Variants in GALNT13 observed in about 807,000 individuals in gnomAD.
GALNT13 encodes the protein polypeptide N-acetylgalactosaminyltransferase 13, also known as UDP-GalNAc:polypeptide N-acetylgalactosaminyltransferase 13.
Under a neutral mutation model 64.2 loss-of-function variants are expected in GALNT13, and 28 were observed. That is an observed-to-expected ratio of 0.44 (90% CI 0.32 to 0.60). The LOEUF (loss-of-function observed/expected upper bound fraction) is 0.60. Ranked by LOEUF, GALNT13 falls within the 20% of genes least tolerant of loss-of-function variation. The probability of loss-of-function intolerance (pLI) is 0.05; values close to 1 mark genes in which losing one functional copy is unlikely to be tolerated. For missense variants in GALNT13, 577 were observed against 669.8 expected, an observed-to-expected ratio of 0.86 and a Z score of 1.53; for synonymous variants, 214 against 224.6, an observed-to-expected ratio of 0.95 and a Z score of 0.42.
At chr2:153,708,339 T>C in the GALNT13 span, among the ~76,000 whole-genome samples, 1 of 151,820 alleles carries the variant, frequency 6.6e-6, no homozygotes, top group Admixed American at 6.6e-5. Flanking sequence ...TTCTGTGGAG[T>C]GTGTATGTGA....
rs1003793415 is a variant in GALNT13, at chr2:154,038,807, C to T, written c.142+94168C>T. On this transcript the variant is annotated intron_variant, in intron 3 of 12. Coordinates refer to ENST00000392825, the MANE Select transcript of GALNT13 (RefSeq NM_052917.4). ...CCTTCTGTACAGCAAAGGAAAAAAC[C>T]GAGTCAAGACACAACCTGCAGAATA... Among the ~76,000 whole-genome samples the T allele has an allele frequency of 4.6e-5, 7 of 151,796 alleles. No homozygotes were observed. In the South Asian group the frequency reaches 6.2e-4, roughly 14 times the overall value.
In GALNT13 at chr2:154,156,804, A is replaced by G. The variant is rs1283875451; in HGVS notation, c.311+16299A>G. Among the ~76,000 whole-genome samples, 5 of 152,182 alleles carry G rather than the reference A, an allele frequency of 3.3e-5. No homozygotes were observed. The East Asian group carries it at 9.6e-4, about 29-fold the overall frequency. ...GGTTGGCCCTTGAATAAAGTCTGGA[A>G]CTTATATAGATATAAGGGAGAACAC... is the stretch of plus-strand genomic sequence containing the variant. On this transcript the variant is annotated intron_variant, in intron 4 of 12. Coordinates refer to ENST00000392825, the MANE Select transcript of GALNT13 (RefSeq NM_052917.4).
the GALNT13 span, among the ~76,000 whole-genome samples, chr2:153,675,578 A>G: frequency 6.6e-6 from 1 of 152,148 alleles, no homozygotes; most frequent in Non-Finnish European, 1.5e-5. Flanking sequence ...TAGAGTTAGG[A>G]GAAATACCTA....
chr2:153,614,590 A>T, the GALNT13 span, among the ~76,000 whole-genome samples: 1 of 152,080 alleles, frequency 6.6e-6, no homozygotes, highest in Non-Finnish European at 1.5e-5. Flanking sequence ...TGACTGGGGT[A>T]CCAAAGACTA....
chr2:154,207,105 G>A (rs1022595479), intron 4 of GALNT13, among the ~76,000 whole-genome samples: 2 of 152,252 alleles, frequency 1.3e-5, no homozygotes, highest in East Asian at 3.9e-4. Flanking sequence ...CTAAGTGAGA[G>A]CCTTTGTTAA....
intron 3 of GALNT13, among the ~76,000 whole-genome samples, chr2:154,013,810 G>C (rs866675540): frequency 2.6e-5 from 4 of 152,158 alleles, no homozygotes; most frequent in African/African-American, 9.7e-5. Context: ...GGTTGGCGAG[G>C]TCGGTCGGCC....
At chr2:153,393,026 C>G in the GALNT13 span, among the ~76,000 whole-genome samples, 1 of 151,974 alleles carries the variant, frequency 6.6e-6, no homozygotes, top group African/African-American at 2.4e-5. Flanking sequence ...TCTTGGACTT[C>G]CTCACTTCCA....
the GALNT13 span, among the ~76,000 whole-genome samples, chr2:153,480,320 T>C: frequency 6.6e-6 from 1 of 152,204 alleles, no homozygotes; most frequent in Non-Finnish European, 1.5e-5. Context: ...TTCATGACTA[T>C]CATAAAATAG....
At chr2:153,585,708 A>C in the GALNT13 span, among the ~76,000 whole-genome samples, 1 of 151,842 alleles carries the variant, frequency 6.6e-6, no homozygotes, top group Non-Finnish European at 1.5e-5. Context: ...TATAAAGGAA[A>C]CTCCTTCATA....
chr2:153,443,316 C>T, the GALNT13 span, among the ~76,000 whole-genome samples: 1 of 152,162 alleles, frequency 6.6e-6, no homozygotes, highest in African/African-American at 2.4e-5. Flanking sequence ...TCCCAGATCC[C>T]TTGTGCTTCC....
chr2:154,094,582 A>G (rs1459055912), intron 3 of GALNT13, among the ~76,000 whole-genome samples: 3 of 152,002 alleles, frequency 2.0e-5, no homozygotes, highest in Non-Finnish European at 4.4e-5. Flanking sequence ...ATTAATGTAT[A>G]TTCAATATTC....
At chr2:154,406,677 A>T (rs750076657) in intron 10 of GALNT13, among the ~76,000 whole-genome samples, 2 of 151,962 alleles carry the variant, frequency 1.3e-5, no homozygotes, top group Non-Finnish European at 1.5e-5. Context: ...ACCCTTACTT[A>T]CTGTGCTTTA....
chr2:153,750,021 A>T, the GALNT13 span, among the ~76,000 whole-genome samples: 1 of 151,646 alleles, frequency 6.6e-6, no homozygotes. Flanking sequence ...TTTTTTATTT[A>T]GGGTATTTTA....
the GALNT13 span, among the ~76,000 whole-genome samples, chr2:153,118,613 AGC>A: frequency 6.6e-6 from 1 of 152,170 alleles, no homozygotes; most frequent in Admixed American, 6.6e-5. Context: ...GGTCAAGGAG[AGC>A]CTCTGGCATA....
intron 8 of GALNT13, among the ~76,000 whole-genome samples, chr2:154,298,723 T>C (rs1465550661): frequency 9.7e-6 from 1 of 102,830 alleles, no homozygotes; most frequent in African/African-American, 3.5e-5. Context: ...ATATAAATTA[T>C]ATTATTTATA....
chr2:153,700,351 A>G, the GALNT13 span, among the ~76,000 whole-genome samples: 10 of 152,302 alleles, frequency 6.6e-5, no homozygotes, highest in African/African-American at 2.4e-4. Flanking sequence ...TCAAAATAAT[A>G]ACATCTGTTT....
chr2:154,139,082 T>C (rs985055613), intron 3 of GALNT13, among the ~76,000 whole-genome samples: 4 of 152,020 alleles, frequency 2.6e-5, no homozygotes, highest in Non-Finnish European at 5.9e-5. Flanking sequence ...CACTTTTTTT[T>C]ACCCATATCT....
At chr2:153,874,994 A>G (rs1469294470) in intron 1 of GALNT13, among the ~76,000 whole-genome samples, 1 of 152,116 alleles carries the variant, frequency 6.6e-6, no homozygotes, top group African/African-American at 2.4e-5. Flanking sequence ...AACAAGTGAA[A>G]AGTTCTCTCT....
chr2:154,106,169 T>C (rs67277437), intron 3 of GALNT13, among the ~76,000 whole-genome samples: 8,066 of 152,284 alleles, frequency 0.053, 275 homozygotes, highest in South Asian at 0.11. Context: ...ATTTTTGTAG[T>C]GCAGAAGTTT....
Sources: allele counts gnomAD v4.1 joint callset (sites outside exome capture counted in the v4.1 genomes callset), GRCh38; gene constraint gnomAD v4.1.1; transcripts MANE v1.5; gene names NCBI Gene and HGNC (gene_info 2026-07-23, HGNC 2026-07-21).